The following PRDM8 variants were observed in gnomAD, a reference collection of about 807,000 sequenced individuals.
The protein encoded by PRDM8 is PR/SET domain 8.
A neutral mutation model predicts 46.5 loss-of-function variants in PRDM8; 13 were observed. The observed-to-expected ratio is 0.28, with a 90% CI of 0.18 to 0.44. PRDM8 has a LOEUF of 0.44. Ranked by LOEUF, PRDM8 falls within the 20% of genes least tolerant of loss-of-function variation. PRDM8 has a pLI of 1.00. For synonymous variants in PRDM8, 473 were observed against 438.4 expected (o/e 1.08, Z -0.98); for missense variants, 998 against 955.0 (o/e 1.04, Z -0.59).
chr4:80,200,022 A>C (rs1738305467), intron 1 of PRDM8, 57 bp from the exon 2 acceptor site: 1 of 1,418,166 alleles, frequency 7.1e-7, no homozygotes, highest in Non-Finnish European at 9.9e-7. Context: ...TGCTTGGGTT[A>C]ATGGCGTTAA....
chr4:80,190,471 G>A (rs1011583463), intron 1 of PRDM8, among the ~76,000 whole-genome samples: 1 of 152,224 alleles, frequency 6.6e-6, no homozygotes. Flanking sequence ...GGCTTGTTTT[G>A]TTCTGCCCTG....
chr4:80,196,242 C>T, upstream of PRDM8: 2 of 944,324 alleles, frequency 2.1e-6, no homozygotes, highest in African/African-American at 1.8e-5. Flanking sequence ...CTACACAATC[C>T]GATTTATCCT....
In PRDM8 at chr4:80,201,923, C is replaced by T; in HGVS notation, c.461C>T (p.Pro154Leu). 2 of 1,613,842 alleles carry T rather than the reference C, an allele frequency of 1.2e-6. No individual in the cohort carries two copies. Among genetic ancestry groups the T allele is most frequent in the South Asian group, 1.1e-5 (1 of 91,060 alleles). Residue 154 changes from proline to leucine, a missense_variant, in exon 4 of 4, where the codon CCT (proline) becomes CTT (leucine). Transcript: ENST00000415738. ...RSHNKMNGSS[P>L]YTCLECSQRF... is the part of the protein sequence containing the mutation. ...TTTGCTCACTAAGCAGGGTCGTCCC[C>T]TTACACATGCCTGGAATGCAGCCAA...
intron 3 of PRDM8, 37 bp from the exon 4 acceptor site, chr4:80,201,869 TGTGTGTGC>T (rs766226555): frequency 6.2e-7 from 1 of 1,606,008 alleles, no homozygotes; most frequent in Non-Finnish European, 8.5e-7. Flanking sequence ...CGTGTGTGTG[TGTGTGTGC>T]GTGCGTGCGT....
rs780907674 is a variant in PRDM8 at position 80,201,908 on chromosome 4, A to C, written c.452-6A>C. 2 of 1,613,468 alleles carry C rather than the reference A, an allele frequency of 1.2e-6. No homozygotes were observed. Among genetic ancestry groups the C allele is most frequent in the Non-Finnish European group, 1.7e-6 (2 of 1,179,894 alleles). On this transcript the variant is annotated splice_polypyrimidine_tract_variant and splice_region_variant and intron_variant, in intron 3 of 3. Coordinates refer to ENST00000415738, the MANE Select transcript of PRDM8 (RefSeq NM_001099403.2). ...TGCGTGTGTGTGGTGTTTGCTCACT[A>C]AGCAGGGTCGTCCCCTTACACATGC...
intron 2 of PRDM8, among the ~76,000 whole-genome samples, chr4:80,200,575 C>A (rs1738367081): frequency 1.3e-5 from 2 of 152,222 alleles, no homozygotes; most frequent in African/African-American, 4.8e-5. Context: ...ATGAACACGA[C>A]TTCCTAAACT....
chr4:80,187,244 T>TGCGGGG lies in PRDM8; in HGVS notation c.-983+1727_-983+1728insCGGGGG, dbSNP rs60061648. ...GTTGCTGTATCAGCATTCTCTGCCC[T>TGCGGGG]GGGGCGGGGGGAAGCAGAAGAATAT... is the stretch of plus-strand genomic sequence containing the variant. On this transcript the variant is annotated intron_variant, in intron 1 of 9. Transcript: ENST00000339711. Among the ~76,000 whole-genome samples the TGCGGGG allele has an allele frequency of 1.7e-3, 152 of 89,772 alleles. 5 individuals are homozygous for TGCGGGG. The highest frequency in any genetic ancestry group is 4.9e-3 in the African/African-American group (112 of 22,902). 58.9% of individuals were successfully genotyped at this position (89,772 alleles called of 152,430 possible).
At chr4:80,186,678 A>G (rs1215460743) in intron 1 of PRDM8, among the ~76,000 whole-genome samples, 2 of 152,208 alleles carry the variant, frequency 1.3e-5, no homozygotes, top group Non-Finnish European at 2.9e-5. Flanking sequence ...AAAACCAATT[A>G]AAAGTTTCTA....
chr4:80,203,747 C>G lies in PRDM8; in HGVS notation c.*215C>G, dbSNP rs1019703417. ...TTTACCCGGGACACACACCCCCCCCCACACACACACACAGACACACTCACA... is the reference window on the plus strand; with the variant it reads ...TTTACCCGGGACACACACCCCCCCCGACACACACACACAGACACACTCACA... On this transcript the variant is annotated 3_prime_UTR_variant, in exon 4 of 4. Coordinates refer to ENST00000415738, the MANE Select transcript of PRDM8 (RefSeq NM_001099403.2). 702 of 416,226 alleles carry G rather than the reference C, an allele frequency of 1.7e-3. No homozygotes were observed. The highest frequency in any genetic ancestry group is 2.5e-3 in the Non-Finnish European group (570 of 231,068). 25.8% of individuals were successfully genotyped at this position (416,226 alleles called of 1,614,324 possible).
chr4:80,203,189 T>C lies in PRDM8; in HGVS notation c.1727T>C (p.Leu576Pro). 8 of 1,550,224 alleles carry C rather than the reference T, an allele frequency of 5.2e-6. No individual in the cohort carries two copies. Among genetic ancestry groups the C allele is most frequent in the Non-Finnish European group, 6.9e-6 (8 of 1,151,338 alleles). The change falls in exon 4 of 4, where the codon CTG (leucine) becomes CCG (proline). Residue 576 changes from leucine to proline, a missense_variant. Coordinates refer to ENST00000415738, the MANE Select transcript of PRDM8 (RefSeq NM_001099403.2). ...GGCCTGCCTAAGCAGAGCCCCTTCC[T>C]GTACGCCACCGCCTTCTGGCCCAAG... ...GGGLPKQSPF[L>P]YATAFWPKSS... is the part of the protein sequence containing the mutation.
chr4:80,186,454 A>AGAGAGAGAGAGAGAGAGAGATT, intron 1 of PRDM8, among the ~76,000 whole-genome samples: 1 of 151,674 alleles, frequency 6.6e-6, no homozygotes, highest in South Asian at 2.1e-4. Flanking sequence ...AGAGAGAGAG[A>AGAGAGAGAGAGAGAGAGAGATT]GATTGATTGT....
At chr4:80,199,061 C>G (rs1489294003) in intron 1 of PRDM8, among the ~76,000 whole-genome samples, 1 of 129,282 alleles carries the variant, frequency 7.7e-6, no homozygotes, top group Non-Finnish European at 1.6e-5. Flanking sequence ...AGGAAAATGT[C>G]CCTTTATGAC....
In PRDM8 at chr4:80,200,281, A is replaced by G. The variant is rs371265360; in HGVS notation, c.201A>G (p.Thr67=). Reference sequence around the variant, plus strand: ...CTCTCAAGTCTACTGACAAGAGAACAGTACCGTATATCTTTCGGGTAAGTC... The same window carrying G: ...CTCTCAAGTCTACTGACAAGAGAACGGTACCGTATATCTTTCGGGTAAGTC... The part of the protein sequence containing the change: ...FIALKSTDKR[T]VPYIFRVDTS... The change falls in exon 2 of 4, where the codon ACA becomes ACG. Residue 67 remains threonine (T), a synonymous_variant. Transcript: ENST00000415738. 1 of 1,613,328 alleles carries G rather than the reference A, an allele frequency of 6.2e-7. No homozygotes were observed. Among genetic ancestry groups the G allele is most frequent in the Non-Finnish European group, 8.5e-7 (1 of 1,179,268 alleles).
chr4:80,192,765 G>C (rs1737653178), upstream of PRDM8, among the ~76,000 whole-genome samples: 1 of 152,198 alleles, frequency 6.6e-6, no homozygotes, highest in African/African-American at 2.4e-5. Flanking sequence ...ATTTGGTTCA[G>C]AGGTCACACT....
chr4:80,193,384 G>A (rs1397744539), upstream of PRDM8, among the ~76,000 whole-genome samples: 1 of 152,062 alleles, frequency 6.6e-6, no homozygotes. Context: ...AGCAAGCATG[G>A]CTCTTCTCGA....
chr4:80,196,624 AC>A, upstream of PRDM8: 1 of 984,128 alleles, frequency 1.0e-6, no homozygotes, highest in Non-Finnish European at 1.2e-6. Context: ...ATTTTTAATC[AC>A]CCTTGCCCCC....
upstream of PRDM8, chr4:80,194,250 C>G (rs1203332624): frequency 1.0e-6 from 1 of 966,062 alleles, no homozygotes; most frequent in Non-Finnish European, 1.2e-6. Context: ...GTGAGCATAC[C>G]CACTCTTCAT....
intron 2 of PRDM8, among the ~76,000 whole-genome samples, chr4:80,192,116 C>CATTTGT (rs1737594515): frequency 6.6e-6 from 1 of 152,092 alleles, no homozygotes; most frequent in Non-Finnish European, 1.5e-5. Flanking sequence ...AAGTACTGGA[C>CATTTGT]ATTTGTGTCC....
chr4:80,193,034 T>C (rs76444536), upstream of PRDM8, among the ~76,000 whole-genome samples: 32 of 152,322 alleles, frequency 2.1e-4, no homozygotes, highest in African/African-American at 7.7e-4. Flanking sequence ...TAGATTATCA[T>C]TGTAATGATA....
Sources: allele counts gnomAD v4.1 joint callset (sites outside exome capture counted in the v4.1 genomes callset), GRCh38; gene constraint gnomAD v4.1.1; transcripts MANE v1.5; gene names NCBI Gene and HGNC (gene_info 2026-07-23, HGNC 2026-07-21).